Variants in RIMS1 observed in about 807,000 individuals in gnomAD.
RIMS1 encodes the protein regulating synaptic membrane exocytosis protein 1.
RIMS1 carries 83 observed loss-of-function variants against 214.1 expected under a neutral mutation model. The observed-to-expected ratio is 0.39, with a 90% CI of 0.32 to 0.47. The LOEUF is 0.47. Ranked by LOEUF, RIMS1 falls within the 20% of genes least tolerant of loss-of-function variation. The pLI is 0.99. For synonymous variants in RIMS1, 793 were observed against 786.8 expected, an observed-to-expected ratio of 1.01 and a Z score of -0.13; for missense variants, 2,050 against 2,161.8, an observed-to-expected ratio of 0.95 and a Z score of 1.03.
At chr6:72,252,914 A>G (rs2074106246) in intron 16 of RIMS1, 82 bp downstream of exon 16, 2 of 949,154 alleles carry the variant, frequency 2.1e-6, no homozygotes, top group Admixed American at 2.1e-5. Context: ...TCTTTAGGAT[A>G]CTAAACTGAA....
chr6:72,014,886 T>G (rs1346243865), intron 2 of RIMS1, among the ~76,000 whole-genome samples: 1 of 152,208 alleles, frequency 6.6e-6, no homozygotes, highest in African/African-American at 2.4e-5. Context: ...TGGAGAAATA[T>G]CTAATCAAAT....
chr6:72,002,511 G>T (rs1805611165), intron 2 of RIMS1, among the ~76,000 whole-genome samples: 1 of 152,138 alleles, frequency 6.6e-6, no homozygotes, highest in African/African-American at 2.4e-5. Flanking sequence ...AGATGCATGG[G>T]GTAGGAGTGT....
At chr6:72,144,225 T>A (rs937893206) in intron 4 of RIMS1, among the ~76,000 whole-genome samples, 5 of 152,204 alleles carry the variant, frequency 3.3e-5, no homozygotes, top group African/African-American at 9.6e-5. Flanking sequence ...CCATATTCAT[T>A]TTTACTCAAG....
In RIMS1 at chr6:72,039,447, G is replaced by A. The variant is rs528087068; in HGVS notation, c.246-57502G>A. Among the ~76,000 whole-genome samples the A allele has an allele frequency of 3.3e-5, 5 of 152,226 alleles. No individual in the cohort carries two copies. In the South Asian group the frequency reaches 1.0e-3, roughly 32 times the overall value. On this transcript the variant is annotated intron_variant, in intron 2 of 33. Transcript: ENST00000521978. ...AGAACCTGTGAATGGATTGATCAAAGTGTGTTGACATTTTAGTGGGTTTTA... is the reference window on the plus strand; with the variant it reads ...AGAACCTGTGAATGGATTGATCAAAATGTGTTGACATTTTAGTGGGTTTTA...
At chr6:71,946,987 C>T (rs1259838210) in intron 1 of RIMS1, among the ~76,000 whole-genome samples, 4 of 151,966 alleles carry the variant, frequency 2.6e-5, no homozygotes, top group African/African-American at 9.7e-5. Context: ...AAGACCTAAA[C>T]AAACATTTCT....
intron 1 of RIMS1, among the ~76,000 whole-genome samples, chr6:71,896,581 CA>C (rs1176232730): frequency 6.6e-6 from 1 of 151,884 alleles, no homozygotes; most frequent in African/African-American, 2.4e-5. Flanking sequence ...TACCAGGCCA[CA>C]AGAAGCAGAT....
chr6:71,997,895 G>A (rs1803953144), intron 2 of RIMS1, among the ~76,000 whole-genome samples: 1 of 152,032 alleles, frequency 6.6e-6, no homozygotes, highest in Non-Finnish European at 1.5e-5. Context: ...AGAAAAACAA[G>A]TAAATTAGCT....
chr6:72,395,969 T>A (rs1200202323), intron 31 of RIMS1, among the ~76,000 whole-genome samples: 1 of 151,316 alleles, frequency 6.6e-6, no homozygotes, highest in East Asian at 1.9e-4. Context: ...AATTGAAAAA[T>A]TTTCAGAACT....
intron 6 of RIMS1, among the ~76,000 whole-genome samples, chr6:72,204,543 T>C (rs1035751879): frequency 6.6e-6 from 1 of 152,226 alleles, no homozygotes; most frequent in Non-Finnish European, 1.5e-5. Context: ...AAATGTCCTC[T>C]ATCTCTAGCT....
intron 28 of RIMS1, among the ~76,000 whole-genome samples, chr6:72,325,386 G>T (rs1420780475): frequency 1.3e-5 from 2 of 151,236 alleles, no homozygotes; most frequent in Non-Finnish European, 1.5e-5. Context: ...GACAAACTTA[G>T]CTTAAAAACA....
intron 2 of RIMS1, among the ~76,000 whole-genome samples, chr6:71,986,067 A>AT (rs1353806361): frequency 2.0e-5 from 3 of 151,958 alleles, no homozygotes; most frequent in East Asian, 1.9e-4. Context: ...TACAGTTAAT[A>AT]TTTTTTTCAT....
At chr6:72,009,329 G>T (rs1428891541) in intron 2 of RIMS1, among the ~76,000 whole-genome samples, 1 of 152,180 alleles carries the variant, frequency 6.6e-6, no homozygotes, top group Admixed American at 6.5e-5. Flanking sequence ...AAAGCAGTGT[G>T]TAGAGGGAAA....
intron 4 of RIMS1, among the ~76,000 whole-genome samples, chr6:72,148,028 A>G (rs2042981442): frequency 6.6e-6 from 1 of 152,164 alleles, no homozygotes; most frequent in Non-Finnish European, 1.5e-5. Context: ...GGTTACCTTC[A>G]TGTTGTAAAA....
chr6:72,151,527 G>A (rs535966324), intron 4 of RIMS1, among the ~76,000 whole-genome samples: 1 of 152,214 alleles, frequency 6.6e-6, no homozygotes, highest in South Asian at 2.1e-4. Flanking sequence ...AGAAAAACTT[G>A]CAGTCCTTAT....
At chr6:72,394,245 C>CT (rs2098747689) in intron 31 of RIMS1, among the ~76,000 whole-genome samples, 1 of 151,942 alleles carries the variant, frequency 6.6e-6, no homozygotes, top group Admixed American at 6.6e-5. Context: ...CCAGGAGAAA[C>CT]TAAGATTTGA....
At chr6:72,264,402 G>A (rs564602247) in intron 19 of RIMS1, among the ~76,000 whole-genome samples, 1 of 152,082 alleles carries the variant, frequency 6.6e-6, no homozygotes, top group Non-Finnish European at 1.5e-5. Context: ...AAAATTTCCT[G>A]TGGTTGGGTC....
chr6:72,299,025 C>G (rs746415713), intron 26 of RIMS1, among the ~76,000 whole-genome samples: 3 of 151,822 alleles, frequency 2.0e-5, no homozygotes, highest in Non-Finnish European at 2.9e-5. Flanking sequence ...CTTTATAGGC[C>G]TATTTTAAAT....
chr6:72,279,424 G>T (rs2088806747), intron 23 of RIMS1, among the ~76,000 whole-genome samples: 1 of 151,804 alleles, frequency 6.6e-6, no homozygotes, highest in Non-Finnish European at 1.5e-5. Context: ...AGCTTTAAAA[G>T]AATTTCTTTA....
At chr6:72,264,742 A>G (rs962282752) in intron 19 of RIMS1, among the ~76,000 whole-genome samples, 10 of 152,130 alleles carry the variant, frequency 6.6e-5, no homozygotes, top group Admixed American at 1.3e-4. Context: ...TATTTTTCTA[A>G]TTCAGATAAT....
Sources: allele counts gnomAD v4.1 joint callset (sites outside exome capture counted in the v4.1 genomes callset), GRCh38; gene constraint gnomAD v4.1.1; transcripts MANE v1.5; gene names NCBI Gene and HGNC (gene_info 2026-07-23, HGNC 2026-07-21).